AGBL4: variants seen among roughly 807,000 people sequenced by gnomAD.
AGBL4 encodes AGBL carboxypeptidase 4, also known as cytosolic carboxypeptidase 6.
In AGBL4, 58 loss-of-function variants were observed where a neutral mutation model predicts 66.4. That is an observed-to-expected ratio of 0.87 (90% CI 0.71 to 1.09). The LOEUF is 1.09. Among genes scored for constraint, AGBL4 ranks in the 50% least tolerant of loss-of-function variants. AGBL4 has a pLI of 0.00. For synonymous variants in AGBL4, 234 were observed against 222.9 expected (o/e 1.05, Z -0.44); for missense variants, 579 against 631.0 (o/e 0.92, Z 0.88).
chr1:48,546,591 A>T (rs76151265), intron 11 of AGBL4, among the ~76,000 whole-genome samples: 7,649 of 152,274 alleles, frequency 0.05, 238 homozygotes, highest in East Asian at 0.092. Context: ...CTGAAATATT[A>T]GGCTAGAGAC....
At chr1:48,830,668 C>A (rs1646530049) in intron 6 of AGBL4, among the ~76,000 whole-genome samples, 1 of 152,184 alleles carries the variant, frequency 6.6e-6, no homozygotes, top group Non-Finnish European at 1.5e-5. Flanking sequence ...CAATTTCAGT[C>A]ACTTGGTAGA....
rs7551422 is a variant in AGBL4, at chr1:49,015,461, C to T, written c.594+30123G>A. 1.5e-3 allele frequency among the ~76,000 whole-genome samples: 210 copies of T among 140,790 alleles called. 1 individual carries two copies. The highest frequency in any genetic ancestry group is 8.2e-3 in the Middle Eastern group (2 of 244). 92.4% of individuals were successfully genotyped at this position (140,790 alleles called of 152,430 possible). On this transcript the variant is annotated intron_variant, in intron 5 of 13. Coordinates refer to ENST00000371839, the MANE Select transcript of AGBL4 (RefSeq NM_032785.4). ...TTTTTGAGATGGAGTCTCGCTGTGT[C>T]GCCCAGGCTGGAGTGCAGTGGCGCG...
chr1:49,637,701 A>G (rs1645703814), intron 3 of AGBL4, among the ~76,000 whole-genome samples: 1 of 152,164 alleles, frequency 6.6e-6, no homozygotes, highest in Non-Finnish European at 1.5e-5. Flanking sequence ...ATGAATATTT[A>G]TCTGTTACAC....
chr1:48,543,567 T>C (rs549383927), intron 11 of AGBL4, among the ~76,000 whole-genome samples: 62 of 152,270 alleles, frequency 4.1e-4, no homozygotes, highest in African/African-American at 1.5e-3. Flanking sequence ...AAAGATGCAG[T>C]TGCTTGCATT....
intron 4 of AGBL4, among the ~76,000 whole-genome samples, chr1:49,059,894 C>A (rs1557605520): frequency 2.6e-5 from 4 of 152,140 alleles, no homozygotes. Flanking sequence ...GTCTGTACCC[C>A]CAGTGTATCT....
chr1:49,161,718 C>T (rs1181628051), intron 4 of AGBL4, among the ~76,000 whole-genome samples: 4 of 152,070 alleles, frequency 2.6e-5, no homozygotes, highest in Non-Finnish European at 4.4e-5. Context: ...GTAACTCACC[C>T]AAGATTCTGT....
At chr1:49,073,758 C>T (rs773772132) in intron 4 of AGBL4, among the ~76,000 whole-genome samples, 18 of 152,202 alleles carry the variant, frequency 1.2e-4, no homozygotes, top group Admixed American at 4.6e-4. Context: ...GCACCCTGTC[C>T]ATTATTAGAA....
At chr1:48,766,567 A>C (rs1056054884) in intron 6 of AGBL4, among the ~76,000 whole-genome samples, 1 of 152,214 alleles carries the variant, frequency 6.6e-6, no homozygotes, top group Non-Finnish European at 1.5e-5. Context: ...CAGGGCTTGA[A>C]TGGGTTCTTT....
intron 6 of AGBL4, among the ~76,000 whole-genome samples, chr1:48,728,940 G>A (rs1040903280): frequency 6.6e-6 from 1 of 152,122 alleles, no homozygotes; most frequent in Non-Finnish European, 1.5e-5. Context: ...GGCTCAGTAC[G>A]GCCACTCTCT....
At chr1:48,932,335 G>T (rs1655102504) in intron 5 of AGBL4, among the ~76,000 whole-genome samples, 1 of 152,130 alleles carries the variant, frequency 6.6e-6, no homozygotes, top group South Asian at 2.1e-4. Context: ...CTTTAGTCTA[G>T]TTTTGATTTC....
At chr1:48,800,683 G>T (rs1645787589) in intron 6 of AGBL4, among the ~76,000 whole-genome samples, 1 of 152,100 alleles carries the variant, frequency 6.6e-6, no homozygotes, top group African/African-American at 2.4e-5. Context: ...GGTTTTGATA[G>T]CTTGTGTCAC....
chr1:49,283,327 A>G (rs1350738734), intron 3 of AGBL4, among the ~76,000 whole-genome samples: 1 of 152,224 alleles, frequency 6.6e-6, no homozygotes, highest in Non-Finnish European at 1.5e-5. Flanking sequence ...GTTAGAAGGA[A>G]AACTAACAAA....
chr1:48,818,598 C>T (rs1382995789), intron 6 of AGBL4, among the ~76,000 whole-genome samples: 1 of 152,044 alleles, frequency 6.6e-6, no homozygotes, highest in Non-Finnish European at 1.5e-5. Context: ...AAACGTTCAA[C>T]CAAACAGTTA....
At chr1:48,879,269 G>T (rs1378623508) in intron 5 of AGBL4, among the ~76,000 whole-genome samples, 1 of 151,434 alleles carries the variant, frequency 6.6e-6, no homozygotes, top group Non-Finnish European at 1.5e-5. Context: ...GTTGAGAGGG[G>T]TCAGTGTGTG....
intron 3 of AGBL4, among the ~76,000 whole-genome samples, chr1:49,337,730 A>T (rs894943256): frequency 2.6e-5 from 4 of 152,192 alleles, no homozygotes; most frequent in Non-Finnish European, 5.9e-5. Flanking sequence ...AAACTGGATT[A>T]TTCATTAGAC....
intron 4 of AGBL4, among the ~76,000 whole-genome samples, chr1:49,144,866 G>A (rs993920940): frequency 7.2e-5 from 11 of 152,120 alleles, no homozygotes; most frequent in African/African-American, 2.4e-4. Flanking sequence ...ATTCTAGGCT[G>A]AGGTCACATT....
At chr1:48,944,248 G>C (rs1656262340) in intron 5 of AGBL4, among the ~76,000 whole-genome samples, 1 of 149,920 alleles carries the variant, frequency 6.7e-6, no homozygotes, top group African/African-American at 2.5e-5. Context: ...GGGTTAGGTG[G>C]GGCCAAGGAA....
intron 1 of AGBL4, among the ~76,000 whole-genome samples, chr1:49,905,159 AGGAATCC>A (rs910433213): frequency 2.0e-5 from 3 of 152,196 alleles, no homozygotes; most frequent in Non-Finnish European, 4.4e-5. Context: ...TAACTTATAT[AGGAATCC>A]TCCCTGCTTC....
intron 1 of AGBL4, among the ~76,000 whole-genome samples, chr1:50,003,397 T>C (rs1386875044): frequency 6.6e-6 from 1 of 152,234 alleles, no homozygotes; most frequent in African/African-American, 2.4e-5. Context: ...AAAACAAATA[T>C]TAATAGAAAG....
Sources: gnomAD v4.1 joint callset for allele counts (sites outside exome capture counted in the v4.1 genomes callset) on GRCh38, gnomAD v4.1.1 for gene constraint, MANE v1.5 for transcripts, NCBI Gene and HGNC (gene_info 2026-07-23, HGNC 2026-07-21) for gene names.